The following RNF180 variants were observed in gnomAD, a reference collection of about 807,000 sequenced individuals.
RNF180 encodes the protein E3 ubiquitin-protein ligase RNF180.
In RNF180, 38 loss-of-function variants were observed where a neutral mutation model predicts 59.2. That is an observed-to-expected ratio of 0.64 (90% CI 0.50 to 0.84). The LOEUF (loss-of-function observed/expected upper bound fraction) is 0.84, where lower values mean the gene tolerates loss of function less well. RNF180 is among the 40% of genes least tolerant of loss of function. The pLI is 0.00. For synonymous variants in RNF180, 262 were observed against 240.3 expected, an observed-to-expected ratio of 1.09 and a Z score of -0.84; for missense variants, 705 against 700.9, an observed-to-expected ratio of 1.01 and a Z score of -0.07.
intron 1 of RNF180, among the ~76,000 whole-genome samples, chr5:64,199,935 T>C (rs555492227): frequency 2.4e-4 from 37 of 152,334 alleles, no homozygotes; most frequent in Middle Eastern, 3.4e-3. Context: ...AGATGTAGTA[T>C]ATAGTTAACT....
At chr5:64,329,689 C>A (rs1744810276) in intron 6 of RNF180, among the ~76,000 whole-genome samples, 1 of 152,226 alleles carries the variant, frequency 6.6e-6, no homozygotes, top group East Asian at 1.9e-4. Context: ...AACTCCTGAC[C>A]TCAAGTGATC....
chr5:64,277,190 A>AAG (rs372742271), intron 5 of RNF180, among the ~76,000 whole-genome samples: 7 of 140,732 alleles, frequency 5.0e-5, no homozygotes, highest in Non-Finnish European at 9.1e-5. Context: ...AAAAAAAAAA[A>AAG]GGGGAAAAAA....
chr5:64,197,126 G>A (rs1343959361), intron 1 of RNF180, among the ~76,000 whole-genome samples: 1 of 152,130 alleles, frequency 6.6e-6, no homozygotes, highest in Admixed American at 6.5e-5. Context: ...AAATAGCAAA[G>A]GATAGACAAA....
At chr5:64,267,270 A>G (rs1047147326) in intron 5 of RNF180, among the ~76,000 whole-genome samples, 2 of 152,150 alleles carry the variant, frequency 1.3e-5, no homozygotes, top group Non-Finnish European at 1.5e-5. Flanking sequence ...AAGATTTTAA[A>G]TGCATAAAAT....
chr5:64,321,246 GA>G (rs1251581229), intron 5 of RNF180, among the ~76,000 whole-genome samples: 2 of 152,166 alleles, frequency 1.3e-5, no homozygotes, highest in Non-Finnish European at 2.9e-5. Flanking sequence ...CGCTGTTGCA[GA>G]TGACATGATT....
intron 5 of RNF180, among the ~76,000 whole-genome samples, chr5:64,264,297 G>A (rs1284792885): frequency 3.3e-5 from 5 of 152,016 alleles, no homozygotes; most frequent in African/African-American, 1.2e-4. Context: ...ATATGCCATG[G>A]TGGTATTCTG....
intron 5 of RNF180, among the ~76,000 whole-genome samples, chr5:64,270,170 G>T (rs990252099): frequency 1.3e-5 from 2 of 151,984 alleles, no homozygotes; most frequent in Admixed American, 6.6e-5. Flanking sequence ...TATTTGCCTT[G>T]TCTATTTTTA....
intron 7 of RNF180, among the ~76,000 whole-genome samples, chr5:64,351,217 G>A (rs1316962431): frequency 1.3e-5 from 2 of 152,078 alleles, no homozygotes; most frequent in African/African-American, 4.8e-5. Context: ...GTCTGTTATT[G>A]GTGTATAAGA....
chr5:64,226,573 C>T (rs997742490), intron 5 of RNF180, among the ~76,000 whole-genome samples: 3 of 152,014 alleles, frequency 2.0e-5, no homozygotes, highest in African/African-American at 7.3e-5. Context: ...CCTTTGTTCA[C>T]GTGTTTATCT....
intron 5 of RNF180, among the ~76,000 whole-genome samples, chr5:64,264,787 A>G (rs915849358): frequency 6.6e-6 from 1 of 152,132 alleles, no homozygotes; most frequent in Non-Finnish European, 1.5e-5. Flanking sequence ...TTGGTTCTAG[A>G]TCCTTGAGGA....
intron 5 of RNF180, among the ~76,000 whole-genome samples, chr5:64,307,892 A>G (rs189867658): frequency 4.0e-5 from 6 of 151,790 alleles, no homozygotes; most frequent in Admixed American, 3.9e-4. Flanking sequence ...AAACCATTAT[A>G]AGTTGGGGAC....
At chr5:64,341,105 A>G (rs1367602620) in intron 7 of RNF180, among the ~76,000 whole-genome samples, 2 of 152,182 alleles carry the variant, frequency 1.3e-5, no homozygotes, top group Non-Finnish European at 2.9e-5. Context: ...ACTTGCATTT[A>G]TAAAAGTGCA....
At chr5:64,307,100 A>G (rs1297770389) in intron 5 of RNF180, among the ~76,000 whole-genome samples, 1 of 138,554 alleles carries the variant, frequency 7.2e-6, no homozygotes, top group Non-Finnish European at 1.6e-5. Context: ...AAGGATAGCA[A>G]ATCTCTTCAT....
chr5:64,208,372 AT>A (rs1752129227), intron 2 of RNF180, among the ~76,000 whole-genome samples: 1 of 151,872 alleles, frequency 6.6e-6, no homozygotes, highest in African/African-American at 2.4e-5. Flanking sequence ...TTTCAGTCAA[AT>A]TTTTCCCGAG....
intron 5 of RNF180, among the ~76,000 whole-genome samples, chr5:64,285,875 A>G (rs1056670421): frequency 3.3e-5 from 5 of 152,026 alleles, no homozygotes; most frequent in African/African-American, 4.8e-5. Context: ...TGTGCTCCTC[A>G]CAGGCTGGAG....
At chr5:64,287,855 G>T (rs538172435) in intron 5 of RNF180, among the ~76,000 whole-genome samples, 2 of 152,174 alleles carry the variant, frequency 1.3e-5, no homozygotes, top group African/African-American at 2.4e-5. Context: ...TAGGTTGTCG[G>T]TTCACTCTGA....
At chr5:64,353,399 G>A (rs781126144) in intron 7 of RNF180, among the ~76,000 whole-genome samples, 25 of 151,774 alleles carry the variant, frequency 1.6e-4, no homozygotes, top group African/African-American at 4.6e-4. Context: ...GAAGGCAACC[G>A]TTCAATCAAA....
chr5:64,216,265 A>G (rs746369645), intron 4 of RNF180, among the ~76,000 whole-genome samples: 10 of 152,162 alleles, frequency 6.6e-5, no homozygotes, highest in South Asian at 2.1e-4. Context: ...AATAATTACA[A>G]TTTTTAAGTC....
chr5:64,348,018 G>C (rs960444479), intron 7 of RNF180, among the ~76,000 whole-genome samples: 1 of 151,946 alleles, frequency 6.6e-6, no homozygotes, highest in African/African-American at 2.4e-5. Flanking sequence ...AATAATAAAG[G>C]TGCTACTCCA....
Sources: gnomAD v4.1 joint callset for allele counts (sites outside exome capture counted in the v4.1 genomes callset) on GRCh38, gnomAD v4.1.1 for gene constraint, MANE v1.5 for transcripts, NCBI Gene and HGNC (gene_info 2026-07-23, HGNC 2026-07-21) for gene names.